The following CCT7 variants were observed in gnomAD, a reference collection of about 807,000 sequenced individuals.
CCT7 encodes the protein T-complex protein 1 subunit eta.
A neutral mutation model predicts 56.6 loss-of-function variants in CCT7; 16 were observed. The ratio of observed to expected loss-of-function variants is 0.28; its 90% CI spans 0.19 to 0.43. The LOEUF (loss-of-function observed/expected upper bound fraction) is 0.43, where lower values mean the gene tolerates loss of function less well. CCT7 is among the 20% of genes least tolerant of loss of function. The pLI, the probability that CCT7 is intolerant of heterozygous loss-of-function variation, is 1.00. For synonymous variants in CCT7, 262 were observed against 254.8 expected, an observed-to-expected ratio of 1.03 and a Z score of -0.27; for missense variants, 519 against 685.6, an observed-to-expected ratio of 0.76 and a Z score of 2.71.
chr2:73,236,846 T>G (rs1686906667), intron 1 of CCT7, among the ~76,000 whole-genome samples: 1 of 152,222 alleles, frequency 6.6e-6, no homozygotes, highest in African/African-American at 2.4e-5. Context: ...CTTCAGGGCC[T>G]GCAAAGCATA....
At position 73,247,918 on chromosome 2, in the gene CCT7, A is replaced by G. The variant is rs2231427; in HGVS notation, c.775A>G (p.Thr259Ala). Residue 259 changes from threonine to alanine, a missense_variant, in exon 7 of 12, where the codon ACA (threonine) becomes GCA (alanine). Coordinates refer to ENST00000258091, the MANE Select transcript of CCT7 (RefSeq NM_006429.4). ...EKDNAEIRVH[T>A]VEDYQAIVDA... ...AGACAATGCTGAGATAAGAGTCCAC[A>G]CAGTTGAGGTAGGTGGGTTCACCAG... The G allele has an allele frequency of 9.9e-6, 16 of 1,613,916 alleles. No homozygotes were observed. In the African/African-American group the frequency reaches 1.9e-4, roughly 19 times the overall value.
At chr2:73,244,509 C>G in intron 5 of CCT7, 35 bp from the exon 6 acceptor site, 2 of 1,574,090 alleles carry the variant, frequency 1.3e-6, no homozygotes, top group East Asian at 2.3e-5. Flanking sequence ...ATTTGGTTTT[C>G]AAGACCTGAT....
chr2:73,235,529 C>T (rs1686841136), intron 1 of CCT7: 3 of 1,001,382 alleles, frequency 3.0e-6, no homozygotes, highest in African/African-American at 3.5e-5. Flanking sequence ...ACAGTACTTC[C>T]TCTCCCCTTT....
At chr2:73,239,927 C>A in intron 2 of CCT7, 131 bp downstream of exon 2, 1 of 785,326 alleles carries the variant, frequency 1.3e-6, no homozygotes, top group Non-Finnish European at 2.0e-6. Flanking sequence ...CACTCTGAAG[C>A]AGTTCCAATT....
In CCT7 at chr2:73,251,215, G is replaced by C. The variant is rs1687562721; in HGVS notation, c.1204-11G>C. ...GCCCTCTTACATTGAGAGGTGGTCT[G>C]ATCTCTGCAGAATGATTCAGTGGTG... On this transcript the variant is annotated splice_polypyrimidine_tract_variant and intron_variant, in intron 10 of 11. Coordinates refer to ENST00000258091, the MANE Select transcript of CCT7 (RefSeq NM_006429.4). 6.2e-7 allele frequency: 1 copy of C among 1,613,902 alleles called. No homozygotes were observed.
Position 73,250,353 on chromosome 2 carries a change from T to C in CCT7, c.1118T>C (p.Ile373Thr). 1 of 1,614,140 alleles carries C rather than the reference T, an allele frequency of 6.2e-7. No homozygotes were observed. The highest frequency in any genetic ancestry group is 1.6e-4 in the Middle Eastern group (1 of 6,062). ...CCCAAGGCCAAGACATGCACCTTCA[T>C]TCTCCGTGGCGGCGCCGAGCAGTTT... ...GCPKAKTCTFILRGGAEQFME... is the reference protein window; with the variant it reads ...GCPKAKTCTFTLRGGAEQFME... Residue 373 changes from isoleucine (I) to threonine (T), a missense_variant, in exon 10 of 12, where the codon ATT becomes ACT. Ile to Thr is a moderately conservative substitution (Grantham distance 89). Around this residue, in one of 3 missense-constraint regions of CCT7, gnomAD observed 237 missense variants for 300.8 expected, o/e 0.79. Coordinates refer to ENST00000258091, the MANE Select transcript of CCT7 (RefSeq NM_006429.4).
At chr2:73,236,107 C>T (rs999638339) in intron 1 of CCT7, among the ~76,000 whole-genome samples, 1 of 152,180 alleles carries the variant, frequency 6.6e-6, no homozygotes, top group African/African-American at 2.4e-5. Flanking sequence ...TGAAAAGGTC[C>T]CCTGAAACCT....
intron 11 of CCT7, 61 bp downstream of exon 11, chr2:73,251,493 G>A: frequency 6.9e-7 from 1 of 1,441,218 alleles, no homozygotes; most frequent in South Asian, 1.2e-5. Flanking sequence ...TTCTGAATGT[G>A]AGCTGTGCTT....
chr2:73,249,969 G>A, intron 9 of CCT7, 53 bp downstream of exon 9: 2 of 1,231,940 alleles, frequency 1.6e-6, no homozygotes, highest in Non-Finnish European at 2.4e-6. Flanking sequence ...CTGGTCTTCT[G>A]CCATCTTTTG....
chr2:73,252,559 A>G, intron 11 of CCT7, 81 bp from the exon 12 acceptor site: 1 of 1,063,792 alleles, frequency 9.4e-7, no homozygotes, highest in Non-Finnish European at 1.4e-6. Context: ...GGTTCCTAGC[A>G]GTGTCTTTTG....
chr2:73,249,911 C>T lies in CCT7; in HGVS notation c.1065C>T (p.Gly355=), dbSNP rs373490544. 2.4e-5 allele frequency: 39 copies of T among 1,607,646 alleles called. No homozygotes were observed. In the South Asian group the frequency reaches 2.5e-4, roughly 10 times the overall value. ...CQVFEETQIG[G]ERYNFFTGCP... is the part of the protein sequence containing the mutation. ...TGTTTGAAGAGACCCAGATTGGAGG[C>T]GAGAGGTGAGCCGTGGGCCCAGGCC... Residue 355 remains glycine (G), a synonymous_variant, in exon 9 of 12, where the codon GGC becomes GGT. Coordinates refer to ENST00000258091, the MANE Select transcript of CCT7 (RefSeq NM_006429.4).
chr2:73,252,559 A>C, intron 11 of CCT7, 81 bp from the exon 12 acceptor site: 2 of 1,063,792 alleles, frequency 1.9e-6, no homozygotes, highest in East Asian at 4.8e-5. Flanking sequence ...GGTTCCTAGC[A>C]GTGTCTTTTG....
intron 5 of CCT7, 52 bp downstream of exon 5, chr2:73,244,101 T>A (rs1687230514): frequency 6.5e-7 from 1 of 1,534,430 alleles, no homozygotes; most frequent in African/African-American, 1.4e-5. Context: ...GGAGCCTTGC[T>A]GTATTGCCCA....
rs1687415430 is a variant in CCT7, at chr2:73,247,943, G to A, written c.783+17G>A. On this transcript the variant is annotated intron_variant, in intron 7 of 11. Transcript: ENST00000258091. Reference sequence around the variant, plus strand: ...ACAGTTGAGGTAGGTGGGTTCACCAGTTGGTGGGGGCATGGAAATGGGCAG... The same window carrying A: ...ACAGTTGAGGTAGGTGGGTTCACCAATTGGTGGGGGCATGGAAATGGGCAG... The A allele has an allele frequency of 6.2e-7, 1 of 1,608,634 alleles. No homozygotes were observed. Among genetic ancestry groups the A allele is most frequent in the Admixed American group, 1.7e-5 (1 of 59,926 alleles).
intron 1 of CCT7, chr2:73,235,576 ATCT>A: frequency 2.0e-6 from 2 of 1,002,048 alleles, no homozygotes; most frequent in Non-Finnish European, 2.4e-6. Flanking sequence ...AGTCGTCTTC[ATCT>A]TCTGTGCAGA....
intron 1 of CCT7, among the ~76,000 whole-genome samples, chr2:73,236,389 T>C (rs1402558749): frequency 6.6e-6 from 1 of 152,134 alleles, no homozygotes; most frequent in African/African-American, 2.4e-5. Flanking sequence ...TTGCCCAGGC[T>C]GGAGTGCAGT....
intron 3 of CCT7, among the ~76,000 whole-genome samples, chr2:73,241,056 T>C (rs1687091371): frequency 7.0e-6 from 1 of 143,416 alleles, no homozygotes; most frequent in Non-Finnish European, 1.5e-5. Context: ...TTTTTTAAAC[T>C]GATGATAAAA....
intron 9 of CCT7, among the ~76,000 whole-genome samples, 158 bp from the exon 10 acceptor site, chr2:73,250,148 G>C (rs542796801): frequency 1.1e-4 from 16 of 152,314 alleles, no homozygotes; most frequent in African/African-American, 3.1e-4. Flanking sequence ...TACAGCTGCA[G>C]ACCTTTCCAA....
chr2:73,246,662 C>T (rs1222988379), intron 6 of CCT7, among the ~76,000 whole-genome samples: 2 of 151,226 alleles, frequency 1.3e-5, no homozygotes, highest in Admixed American at 6.6e-5. Flanking sequence ...TCCCCTCTCT[C>T]TTCTTCACTG....
Sources: gnomAD v4.1 joint callset for allele counts (sites outside exome capture counted in the v4.1 genomes callset) on GRCh38, gnomAD v4.1.1 for gene constraint, gnomAD v4.1.1 regional missense constraint, MANE v1.5 for transcripts, NCBI Gene and HGNC (gene_info 2026-07-23, HGNC 2026-07-21) for gene names.